The following EBF3 variants were observed in gnomAD, a reference collection of about 807,000 sequenced individuals.
EBF3 encodes EBF transcription factor 3, also known as transcription factor COE3.
A neutral mutation model predicts 77.1 loss-of-function variants in EBF3; 18 were observed. That is an observed-to-expected ratio of 0.23 (90% confidence interval 0.16 to 0.35). EBF3 has a LOEUF of 0.35. Among genes scored for constraint, EBF3 ranks in the 10% least tolerant of loss-of-function variants. The pLI, the probability that EBF3 is intolerant of heterozygous loss-of-function variation, is 1.00. For synonymous variants in EBF3, 350 were observed against 343.5 expected (o/e 1.02, Z -0.21); for missense variants, 558 against 860.0 (o/e 0.65, Z 4.39).
In EBF3 at chr10:129,963,427, C is replaced by T; in HGVS notation, c.231G>A (p.Arg77=). ...TTTCAATCTCCACCGGCTGCCCCTG[C>T]CTATCGTAGAGCGCCAGCACGAAGT... The part of the protein sequence containing the change: ...FFHFVLALYD[R]QGQPVEIERT... Residue 77 remains arginine, a synonymous_variant, in exon 2 of 17, where the codon AGG becomes AGA. Transcript: ENST00000440978. The surrounding 1 kb of genome is among the most constrained non-coding windows in gnomAD (Gnocchi z 7.1). The T allele has an allele frequency of 7.5e-6, 12 of 1,592,818 alleles. No individual in the cohort carries two copies. Among genetic ancestry groups the T allele is most frequent in the Non-Finnish European group, 1.0e-5 (12 of 1,169,558 alleles).
At chr10:129,907,714 G>C (rs1855245369) in intron 6 of EBF3, among the ~76,000 whole-genome samples, 1 of 152,162 alleles carries the variant, frequency 6.6e-6, no homozygotes, top group South Asian at 2.1e-4. Context: ...AATGAGACTG[G>C]ATAGAGAGCC....
At chr10:129,922,014 G>A (rs1399408403) in intron 6 of EBF3, among the ~76,000 whole-genome samples, 2 of 152,208 alleles carry the variant, frequency 1.3e-5, no homozygotes, top group African/African-American at 4.8e-5. Flanking sequence ...TGTTATGGGG[G>A]TGGCCCCACG....
At chr10:129,948,259 CAAAAAAAAAAAAAAAAA>C (rs71481027) in intron 6 of EBF3, among the ~76,000 whole-genome samples, 1 of 45,754 alleles carries the variant, frequency 2.2e-5, no homozygotes, top group African/African-American at 9.4e-5. Flanking sequence ...AACTCCGTCT[CAAAAAAAAAAAAAAAAA>C]AAAAAAAAAG....
chr10:129,950,091 C>G (rs952486240), intron 6 of EBF3, among the ~76,000 whole-genome samples: 1 of 151,748 alleles, frequency 6.6e-6, no homozygotes, highest in Non-Finnish European at 1.5e-5. Context: ...GGCAAATGCA[C>G]GGCCTCCTCT....
intron 6 of EBF3, among the ~76,000 whole-genome samples, chr10:129,887,299 T>C (rs1279354912): frequency 6.6e-6 from 1 of 152,234 alleles, no homozygotes; most frequent in Non-Finnish European, 1.5e-5. Flanking sequence ...TTCAGGACTA[T>C]TTGCATCATT....
At chr10:129,883,494 T>G (rs1462091426) in intron 6 of EBF3, among the ~76,000 whole-genome samples, 1 of 152,106 alleles carries the variant, frequency 6.6e-6, no homozygotes, top group Admixed American at 6.5e-5. Context: ...AGAGAGCTCT[T>G]AATAAGCAGC....
rs1858318529 is a variant in EBF3, at chr10:129,947,548, C to T, written c.554+9710G>A. On this transcript the variant is annotated intron_variant, in intron 6 of 16. Coordinates refer to ENST00000440978, the MANE Select transcript of EBF3 (RefSeq NM_001375380.1). This position sits in a 1 kb window ranked among gnomAD's most constrained non-coding sequence, Gnocchi z 4.5. ...AATCATTTTCCTTTTATGGCCTATACTATTTACATATTCCAAAATAGTATT... is the reference window on the plus strand; with the variant it reads ...AATCATTTTCCTTTTATGGCCTATATTATTTACATATTCCAAAATAGTATT... 6.6e-6 allele frequency among the ~76,000 whole-genome samples: 1 copy of T among 152,170 alleles called. No individual in the cohort carries two copies. The highest frequency in any genetic ancestry group is 1.9e-4 in the East Asian group (1 of 5,202).
intron 8 of EBF3, among the ~76,000 whole-genome samples, chr10:129,868,350 G>A (rs1236527866): frequency 6.6e-6 from 1 of 152,098 alleles, no homozygotes; most frequent in Non-Finnish European, 1.5e-5. Context: ...TTTCATCCGC[G>A]AACTTTGCCT....
intron 6 of EBF3, among the ~76,000 whole-genome samples, chr10:129,931,208 T>G (rs60239754): frequency 0.096 from 14,645 of 152,214 alleles, 742 homozygotes; most frequent in African/African-American, 0.12. Context: ...GGGTTTGTGG[T>G]TTTTTTGCCC....
At chr10:129,860,508 T>C (rs893016972) in intron 10 of EBF3, among the ~76,000 whole-genome samples, 2 of 152,210 alleles carry the variant, frequency 1.3e-5, no homozygotes, top group African/African-American at 4.8e-5. Flanking sequence ...TTGTGATTTA[T>C]CAGCTCATTT....
In EBF3 at chr10:129,879,199, C is replaced by T. The variant is rs1274373845; in HGVS notation, c.555-1350G>A. Among the ~76,000 whole-genome samples the T allele has an allele frequency of 6.6e-6, 1 of 152,150 alleles. No individual in the cohort carries two copies. The highest frequency in any genetic ancestry group is 2.4e-5 in the African/African-American group (1 of 41,438). On this transcript the variant is annotated intron_variant, in intron 6 of 16. Coordinates refer to ENST00000440978, the MANE Select transcript of EBF3 (RefSeq NM_001375380.1). This position sits in a 1 kb window ranked among gnomAD's most constrained non-coding sequence, Gnocchi z 4.7. ...AGGAAAAGTGGGTGGGGGGGTTTCT[C>T]CCTGTATAACCTCTGCCTCAACTTG... is the stretch of plus-strand genomic sequence containing the variant.
chr10:129,856,063 A>G (rs768104358), intron 10 of EBF3, among the ~76,000 whole-genome samples: 1 of 152,180 alleles, frequency 6.6e-6, no homozygotes, highest in Non-Finnish European at 1.5e-5. Flanking sequence ...CAGCCACCCC[A>G]TGCACTTGTT....
At chr10:129,862,211 G>A (rs1442480911) in intron 10 of EBF3, among the ~76,000 whole-genome samples, 1 of 152,162 alleles carries the variant, frequency 6.6e-6, no homozygotes, top group East Asian at 1.9e-4. Context: ...AACAGAAACT[G>A]TTAGCAATTA....
intron 6 of EBF3, among the ~76,000 whole-genome samples, chr10:129,911,177 A>T (rs1855501094): frequency 6.6e-6 from 1 of 152,234 alleles, no homozygotes; most frequent in African/African-American, 2.4e-5. Flanking sequence ...CACAGCTGTG[A>T]GGGACCTCCA....
chr10:129,963,170 C>T lies in EBF3; in HGVS notation c.292-165G>A, dbSNP rs1459932834. ...TTCCTGCTGGAAGCCCAGCGTTCTC[C>T]TCGCCCCGAGTAAGTCCGAGGGCGC... On this transcript the variant is annotated intron_variant, in intron 2 of 16. Coordinates refer to ENST00000440978, the MANE Select transcript of EBF3 (RefSeq NM_001375380.1). This position sits in a 1 kb window ranked among gnomAD's most constrained non-coding sequence, Gnocchi z 7.1. Among the ~76,000 whole-genome samples, 1 of 152,188 alleles carries T rather than the reference C, an allele frequency of 6.6e-6. No individual in the cohort carries two copies. Among genetic ancestry groups the T allele is most frequent in the African/African-American group, 2.4e-5 (1 of 41,460 alleles).
intron 10 of EBF3, among the ~76,000 whole-genome samples, chr10:129,852,728 G>A (rs927587000): frequency 5.3e-5 from 8 of 152,120 alleles, no homozygotes; most frequent in South Asian, 2.1e-4. Flanking sequence ...AGAAAAATTC[G>A]GATTGGAAAA....
chr10:129,954,180 T>TA (rs1328725455), intron 6 of EBF3, among the ~76,000 whole-genome samples: 2 of 152,234 alleles, frequency 1.3e-5, no homozygotes, highest in African/African-American at 2.4e-5. Context: ...CTACCATAGA[T>TA]ACTTTTTTCC....
chr10:129,940,042 G>T (rs1857623296), intron 6 of EBF3, among the ~76,000 whole-genome samples: 1 of 152,212 alleles, frequency 6.6e-6, no homozygotes, highest in Admixed American at 6.5e-5. Context: ...AACCCCGAGG[G>T]CCCACTGGTG....
At chr10:129,910,656 C>T (rs775840964) in intron 6 of EBF3, among the ~76,000 whole-genome samples, 8 of 152,098 alleles carry the variant, frequency 5.3e-5, no homozygotes, top group Non-Finnish European at 1.0e-4. Flanking sequence ...TGTGGGTCCC[C>T]CCTTCTTTTC....
Sources: allele counts gnomAD v4.1 joint callset (sites outside exome capture counted in the v4.1 genomes callset), GRCh38; gene constraint gnomAD v4.1.1; non-coding constraint Gnocchi (gnomAD v3.1); transcripts MANE v1.5; gene names NCBI Gene and HGNC (gene_info 2026-07-23, HGNC 2026-07-21).